The following PXDN variants were observed in gnomAD, a reference collection of about 807,000 sequenced individuals.
The protein encoded by PXDN is peroxidasin homolog.
A neutral mutation model predicts 140.3 loss-of-function variants in PXDN; 77 were observed. The observed-to-expected ratio is 0.55, with a 90% CI of 0.46 to 0.66. The LOEUF (loss-of-function observed/expected upper bound fraction) is 0.66, where lower values mean the gene tolerates loss of function less well. Among genes scored for constraint, PXDN ranks in the 30% least tolerant of loss-of-function variants. The pLI is 0.00. For missense variants in PXDN, 1,838 were observed against 2,039.5 expected, an observed-to-expected ratio of 0.90 and a Z score of 1.90; for synonymous variants, 911 against 857.4, an observed-to-expected ratio of 1.06 and a Z score of -1.09.
At position 1,634,138 on chromosome 2, in the gene PXDN, C is replaced by T. The variant is rs1240028820; in HGVS notation, c.*66G>A. ...GTTTCCTGGTCTGCAGTCCGCAGCT[C>T]CCTGCCATCGGCCACCCGATCTCAC... On this transcript the variant is annotated 3_prime_UTR_variant, in exon 23 of 23. Transcript: ENST00000252804. The T allele has an allele frequency of 6.5e-7, 1 of 1,540,684 alleles. No homozygotes were observed. Among genetic ancestry groups the T allele is most frequent in the African/African-American group, 1.4e-5 (1 of 72,868 alleles).
At chr2:1,729,598 T>C (rs1395967836) in intron 1 of PXDN, among the ~76,000 whole-genome samples, 2 of 152,080 alleles carry the variant, frequency 1.3e-5, no homozygotes, top group African/African-American at 2.4e-5. Context: ...AGTCTACACG[T>C]TGGATACAGT....
intron 9 of PXDN, among the ~76,000 whole-genome samples, chr2:1,669,489 C>T (rs1424178536): frequency 1.3e-5 from 2 of 152,116 alleles, no homozygotes; most frequent in Non-Finnish European, 2.9e-5. Flanking sequence ...ATATATTCTG[C>T]TAGAAACTTA....
Position 1,644,618 on chromosome 2 carries a change from C to G in PXDN, c.3743G>C (p.Arg1248Thr). ...TQFKRLRDGD[R>T]LWYENPGVFS... ...TCCCCTTTCTGGTGCACGTGCTCAC[C>G]TGTCCCCATCTCGCAGGCGCTTGAA... The change falls in exon 18 of 23, where the codon AGG becomes ACG. Residue 1248 changes from arginine (R) to threonine (T), a missense_variant and splice_region_variant. Arg to Thr is a moderately conservative substitution (Grantham distance 71, BLOSUM62 -1). Coordinates refer to ENST00000252804, the MANE Select transcript of PXDN (RefSeq NM_012293.3). The G allele has an allele frequency of 6.3e-7, 1 of 1,598,630 alleles. No individual in the cohort carries two copies. Among genetic ancestry groups the G allele is most frequent in the Non-Finnish European group, 8.5e-7 (1 of 1,170,364 alleles).
At chr2:1,654,594 A>G in intron 14 of PXDN, 86 bp from the exon 15 acceptor site, 1 of 753,274 alleles carries the variant, frequency 1.3e-6, no homozygotes, top group African/African-American at 1.8e-5. Flanking sequence ...ATCATTAGCC[A>G]CAAGGCATAC....
intron 4 of PXDN, 112 bp from the exon 5 acceptor site, chr2:1,684,263 T>C: frequency 1.3e-6 from 1 of 781,234 alleles, no homozygotes; most frequent in Middle Eastern, 3.0e-4. Flanking sequence ...AATAGATAGC[T>C]CACTCACTAG....
At chr2:1,663,564 T>C (rs1207602925) in intron 12 of PXDN, 41 bp downstream of exon 12, 9 of 1,604,250 alleles carry the variant, frequency 5.6e-6, no homozygotes, top group Non-Finnish European at 7.7e-6. Flanking sequence ...TGATAACCGA[T>C]CTGAGAAAAT....
At chr2:1,737,460 A>G (rs2125495267) in intron 1 of PXDN, among the ~76,000 whole-genome samples, 1 of 152,288 alleles carries the variant, frequency 6.6e-6, no homozygotes, top group Admixed American at 6.5e-5. Context: ...CATTCCACTG[A>G]GACATCTTTT....
At chr2:1,704,385 T>C in intron 1 of PXDN, among the ~76,000 whole-genome samples, 1 of 17,338 alleles carries the variant, frequency 5.8e-5, no homozygotes, top group Non-Finnish European at 1.0e-4. Context: ...CAACTCCAGG[T>C]GAAGGGGGGG....
In PXDN at chr2:1,639,394, GGC is replaced by G. The variant is rs753221906; in HGVS notation, c.3979_3980del (p.Ala1327LeufsTer12). On this transcript the variant is annotated frameshift_variant, in exon 20 of 23. Coordinates refer to ENST00000252804, the MANE Select transcript of PXDN (RefSeq NM_012293.3). LOFTEE classifies it high-confidence loss of function. The surrounding 1 kb of genome is among the most constrained non-coding windows in gnomAD (Gnocchi z 5.0). Reference sequence around the variant, plus strand: ...GTCTGCCTCGGAAATGATAGGAAAAGGCATTGAACTGCCCCCTGGTCCTACAG... The same window carrying G: ...GTCTGCCTCGGAAATGATAGGAAAAGATTGAACTGCCCCCTGGTCCTACAG... ...EDCRTRGQFN[A>X]FSYHFRGRRS... 3 of 1,614,004 alleles carry G rather than the reference GGC, an allele frequency of 1.9e-6. No homozygotes were observed. The highest frequency in any genetic ancestry group is 2.5e-6 in the Non-Finnish European group (3 of 1,179,884).
intron 1 of PXDN, among the ~76,000 whole-genome samples, chr2:1,702,641 T>G (rs193257983): frequency 6.6e-6 from 1 of 152,200 alleles, no homozygotes; most frequent in Admixed American, 6.5e-5. Context: ...GGTTTTGTTT[T>G]GTTTTGAGAC....
intron 1 of PXDN, among the ~76,000 whole-genome samples, chr2:1,713,282 T>C (rs892112559): frequency 1.3e-5 from 2 of 152,138 alleles, no homozygotes; most frequent in Admixed American, 1.3e-4. Context: ...CAACGATCAA[T>C]TACCACAGAA....
chr2:1,649,032 G>A lies in PXDN; in HGVS notation c.2748C>T (p.Tyr916=), dbSNP rs746971000. 67 of 1,612,470 alleles carry A rather than the reference G, an allele frequency of 4.2e-5. 1 individual carries two copies. Among genetic ancestry groups the A allele is most frequent in the Middle Eastern group, 3.3e-4 (2 of 6,084 alleles). ...LTSYIDASNV[Y]GSTEHEARSI... ...TGCGGGCCTCATGCTCCGTGCTCCC[G>A]TACACGTTGGATGCGTCTATGTAGG... The change falls in exon 17 of 23, where the codon TAC becomes TAT. Residue 916 remains tyrosine, a synonymous_variant. Transcript: ENST00000252804. This position sits in a 1 kb window ranked among gnomAD's most constrained non-coding sequence, Gnocchi z 7.1.
rs1419761847 is a variant in PXDN, at chr2:1,718,952, CGAA to C, written c.200+25301_200+25303del. Among the ~76,000 whole-genome samples, 5 of 152,358 alleles carry C rather than the reference CGAA, an allele frequency of 3.3e-5. No homozygotes were observed. The East Asian group carries it at 9.6e-4, about 29-fold the overall frequency. On this transcript the variant is annotated intron_variant, in intron 1 of 22. Coordinates refer to ENST00000252804, the MANE Select transcript of PXDN (RefSeq NM_012293.3). Reference sequence around the variant, plus strand: ...TATGGCCGTGGAGGAAGCCCAGCCCCGAAGACCATACCTCGCAGATGGCATGTG... The same window carrying C: ...TATGGCCGTGGAGGAAGCCCAGCCCCGACCATACCTCGCAGATGGCATGTG...
Position 1,649,215 on chromosome 2 carries a change from G to C in PXDN, c.2565C>G (p.Pro855=), listed in dbSNP as rs760642503. Residue 855 remains proline (P), a synonymous_variant, in exon 17 of 23, where the codon CCC becomes CCG. Coordinates refer to ENST00000252804, the MANE Select transcript of PXDN (RefSeq NM_012293.3). The surrounding 1 kb of genome is among the most constrained non-coding windows in gnomAD (Gnocchi z 7.1). ...GGGGGATCATGACAGAGAAGCAGGG[G>C]GGGTCGTTGCTGCACACGTTGCTGC... ...QHCSNVCSND[P]PCFSVMIPPN... 3.1e-6 allele frequency: 5 copies of C among 1,602,908 alleles called. No homozygotes were observed. In the East Asian group the frequency reaches 1.1e-4, roughly 37 times the overall value.
intron 2 of PXDN, 98 bp downstream of exon 2, chr2:1,692,965 C>A (rs1328884639): frequency 1.6e-6 from 2 of 1,215,744 alleles, no homozygotes; most frequent in East Asian, 2.6e-5. Flanking sequence ...TTTTCCCCAC[C>A]CAAGCCCACT....
At chr2:1,636,791 C>T (rs1430373108) in intron 21 of PXDN, 1 of 152,016 alleles carries the variant, frequency 6.6e-6, no homozygotes, top group African/African-American at 2.4e-5. Context: ...TTCCAGGTGA[C>T]CTGCATGTCA....
chr2:1,635,337 C>G (rs976587512), intron 22 of PXDN, 71 bp downstream of exon 22: 42 of 1,349,890 alleles, frequency 3.1e-5, no homozygotes, highest in Non-Finnish European at 4.1e-5. Flanking sequence ...GGCCACCCAC[C>G]TGAGTGGTCA....
In PXDN at chr2:1,639,275, A is replaced by G. The variant is rs769726766; in HGVS notation, c.4073+27T>C. On this transcript the variant is annotated intron_variant, in intron 20 of 22. Transcript: ENST00000252804. The surrounding 1 kb of genome is among the most constrained non-coding windows in gnomAD (Gnocchi z 5.0). ...CCGCGGTGCGAGGGCCCCTCTGCAC[A>G]TCATTTGACCTCAGAGACCACCATA... The G allele has an allele frequency of 1.7e-5, 27 of 1,602,756 alleles. No homozygotes were observed. Among genetic ancestry groups the G allele is most frequent in the Middle Eastern group, 1.7e-4 (1 of 5,900 alleles).
chr2:1,690,648 C>CAAAA (rs35970382), intron 3 of PXDN, among the ~76,000 whole-genome samples: 15 of 68,646 alleles, frequency 2.2e-4, no homozygotes, highest in African/African-American at 4.0e-4. Context: ...TTCAAAATAC[C>CAAAA]AAAAAAAAAA....
Sources: gnomAD v4.1 joint callset for allele counts (sites outside exome capture counted in the v4.1 genomes callset) on GRCh38, gnomAD v4.1.1 for gene constraint, Gnocchi (gnomAD v3.1) non-coding constraint, MANE v1.5 for transcripts, NCBI Gene and HGNC (gene_info 2026-07-23, HGNC 2026-07-21) for gene names.